The following PNPLA2 variants were observed in gnomAD, a reference collection of about 807,000 sequenced individuals.
PNPLA2 encodes patatin-like phospholipase domain-containing protein 2.
In PNPLA2, 28 loss-of-function variants were observed where a neutral mutation model predicts 39.7. The observed-to-expected ratio is 0.70, with a 90% CI of 0.52 to 0.97. The LOEUF (loss-of-function observed/expected upper bound fraction) is 0.97. PNPLA2 is among the 50% of genes least tolerant of loss of function. The probability of loss-of-function intolerance (pLI) is 0.00; values close to 1 mark genes in which losing one functional copy is unlikely to be tolerated. For missense variants in PNPLA2, 768 were observed against 698.2 expected, an observed-to-expected ratio of 1.10 and a Z score of -1.13; for synonymous variants, 392 against 321.1, an observed-to-expected ratio of 1.22 and a Z score of -2.36.
At chr11:819,499 T>G in intron 1 of PNPLA2, 75 bp from the exon 2 acceptor site, 2 of 1,227,908 alleles carry the variant, frequency 1.6e-6, no homozygotes, top group African/African-American at 1.6e-5. Context: ...GCGCCCCGAT[T>G]GGTCTTCGTG....
Position 824,813 on chromosome 11 carries a change from G to T in PNPLA2, c.1466G>T (p.Ser489Ile), listed in dbSNP as rs201573098. Residue 489 changes from serine to isoleucine, a missense_variant, in exon 10 of 10, where the codon AGC (serine) becomes ATC (isoleucine). Transcript: ENST00000336615. ...HQLAGPAPLL[S>I]TPAPEARPVI... ...CTGGCCGGGCCTGCCCCCTTGCTGA[G>T]CACCCCTGCTCCCGAGGCCCGGCCC... 329 of 1,534,502 alleles carry T rather than the reference G, an allele frequency of 2.1e-4. 2 individuals are homozygous for T. In the East Asian group the frequency reaches 6.4e-3, roughly 30 times the overall value.
intron 8 of PNPLA2, 57 bp downstream of exon 8, chr11:824,187 G>A: frequency 6.4e-7 from 1 of 1,559,674 alleles, no homozygotes; most frequent in Non-Finnish European, 8.7e-7. Context: ...GGGATCATCC[G>A]CGAGTGATGG....
chr11:820,521 C>T (rs1208663167), intron 2 of PNPLA2, among the ~76,000 whole-genome samples: 1 of 152,226 alleles, frequency 6.6e-6, no homozygotes, highest in African/African-American at 2.4e-5. Context: ...TGCTTCTGGG[C>T]TCTGGTGCCT....
intron 5 of PNPLA2, 139 bp downstream of exon 5, chr11:822,745 C>T: frequency 1.4e-6 from 1 of 729,262 alleles, no homozygotes; most frequent in South Asian, 1.5e-5. Flanking sequence ...AGCGCACAAC[C>T]TTTCTAGGGG....
At chr11:819,442 C>G (rs887726299) in intron 1 of PNPLA2, 132 bp from the exon 2 acceptor site, 44 of 1,163,646 alleles carry the variant, frequency 3.8e-5, no homozygotes, top group African/African-American at 3.4e-4. Context: ...GCGCGGGGGG[C>G]CGGGTCAAGG....
rs952977483 is a variant in PNPLA2, at chr11:824,320, G to T, written c.1059G>T (p.Leu353=). The change falls in exon 9 of 10, where the codon CTG becomes CTT. Residue 353 remains leucine, a synonymous_variant. Coordinates refer to ENST00000336615, the MANE Select transcript of PNPLA2 (RefSeq NM_020376.4). The part of the protein sequence containing the change: ...ESALSFTIRL[L]EWLPDVPEDI... ...CCGCTCGCCCTGTCCCCAGCTTGCT[G>T]GAGTGGCTGCCCGACGTTCCCGAGG... is the stretch of plus-strand genomic sequence containing the variant. 3.2e-6 allele frequency: 5 copies of T among 1,551,248 alleles called. No homozygotes were observed. Among genetic ancestry groups the T allele is most frequent in the Non-Finnish European group, 4.4e-6 (5 of 1,147,744 alleles).
intron 4 of PNPLA2, 165 bp downstream of exon 4, chr11:822,188 GC>G: frequency 2.6e-6 from 2 of 770,504 alleles, no homozygotes; most frequent in South Asian, 3.0e-5. Context: ...ACGCTTCCTG[GC>G]CCCCCATCCC....
In PNPLA2 at chr11:819,577, C is replaced by A; in HGVS notation, c.-142C>A. ...CGCCTCCGCGCCGCCCGCGTAGCTT[C>A]TTCGCCTCCGCCAGCGGGGACCCCG... On this transcript the variant is annotated 5_prime_UTR_variant, in exon 2 of 10. Transcript: ENST00000336615. The A allele has an allele frequency of 7.8e-7, 1 of 1,286,528 alleles. No homozygotes were observed. Among genetic ancestry groups the A allele is most frequent in the Non-Finnish European group, 9.9e-7 (1 of 1,011,252 alleles). The allele number at this position is 1,286,528 out of a possible 1,614,324, so 79.7% of individuals were successfully genotyped here. A position where few individuals can be genotyped will look rare whatever the true frequency, so the allele number is the denominator to read the frequency against.
chr11:819,690 G>C lies in PNPLA2; in HGVS notation c.-29G>C. 2.0e-6 allele frequency: 3 copies of C among 1,473,372 alleles called. No homozygotes were observed. The highest frequency in any genetic ancestry group is 1.8e-6 in the Non-Finnish European group (2 of 1,113,584). The allele number at this position is 1,473,372 out of a possible 1,614,324, so 91.3% of individuals were successfully genotyped here. A position where few individuals can be genotyped will look rare whatever the true frequency, so the allele number is the denominator to read the frequency against. On this transcript the variant is annotated 5_prime_UTR_variant, in exon 2 of 10. Transcript: ENST00000336615. The stretch of plus-strand genomic sequence containing the variant: ...GCTCACAGAGGCCTGGCCGCCCACG[G>C]AACCCGGGGCCCGGCGGCCGCCGCC...
At position 825,514 on chromosome 11, in the gene PNPLA2, G is replaced by A. The variant is rs1186219681; in HGVS notation, c.*652G>A. 6.6e-6 allele frequency: 1 copy of A among 152,604 alleles called. No homozygotes were observed. Among genetic ancestry groups the A allele is most frequent in the Non-Finnish European group, 1.5e-5 (1 of 68,386 alleles). The allele number at this position is 152,604 out of a possible 1,614,324, so 9.5% of individuals were successfully genotyped here. On this transcript the variant is annotated 3_prime_UTR_variant, in exon 10 of 10. Transcript: ENST00000336615. ...GACCCTTGGCCACAGCCTTCTGAGG[G>A]CCAATGGAAATATTTGGGACCAAGA...
In PNPLA2 at chr11:825,121, G is replaced by A; in HGVS notation, c.*259G>A. ...CCCCTTTACTCCTGAGAACTTTGCA[G>A]CTGCCCTTCCCTCCCCGTTTTTCAT... is the stretch of plus-strand genomic sequence containing the variant. On this transcript the variant is annotated 3_prime_UTR_variant, in exon 10 of 10. Coordinates refer to ENST00000336615, the MANE Select transcript of PNPLA2 (RefSeq NM_020376.4). The A allele has an allele frequency of 3.6e-6, 2 of 563,072 alleles. No individual in the cohort carries two copies. Among genetic ancestry groups the A allele is most frequent in the Non-Finnish European group, 6.3e-6 (2 of 318,938 alleles). The allele number at this position is 563,072 out of a possible 1,614,324, so 34.9% of individuals were successfully genotyped here.
chr11:821,897 G>A (rs778219517), intron 3 of PNPLA2, 37 bp downstream of exon 3: 1 of 1,609,940 alleles, frequency 6.2e-7, no homozygotes. Context: ...TGGCGGTGGG[G>A]GGGGCAGTGG....
chr11:821,423 G>A, intron 2 of PNPLA2: 1 of 613,356 alleles, frequency 1.6e-6, no homozygotes, highest in Non-Finnish European at 2.9e-6. Context: ...CAGGCAGAGG[G>A]CAGGTCCTGG....
rs749452055 is a variant in PNPLA2, at chr11:822,382, T to C, written c.487-15T>C. On this transcript the variant is annotated splice_polypyrimidine_tract_variant and intron_variant, in intron 4 of 9. Transcript: ENST00000336615. ...AGGCCCTCACATACGGTCCTGTCTG[T>C]GTGTCCCGTGGAAGCGCTACGTGGA... 5 of 1,610,754 alleles carry C rather than the reference T, an allele frequency of 3.1e-6. No homozygotes were observed. In the Admixed American group the frequency reaches 6.7e-5, roughly 21 times the overall value.
In PNPLA2 at chr11:824,547, C is replaced by T. The variant is rs1323765678; in HGVS notation, c.1200C>T (p.Arg400=). The T allele has an allele frequency of 6.4e-7, 1 of 1,556,044 alleles. No homozygotes were observed. The highest frequency in any genetic ancestry group is 1.2e-5 in the South Asian group (1 of 85,458). The change falls in exon 10 of 10, where the codon CGC becomes CGT. Residue 400 remains arginine (R), a synonymous_variant. Transcript: ENST00000336615. ...PSRLPEQVEL[R]RVQSLPSVPL... is the part of the protein sequence containing the mutation. ...GGCTGCCGGAGCAGGTGGAGCTGCG[C>T]CGCGTCCAGTCGCTGCCGTCCGTGC... is the stretch of plus-strand genomic sequence containing the variant.
At position 824,976 on chromosome 11, in the gene PNPLA2, CCA is replaced by C. The variant is rs1385246028; in HGVS notation, c.*116_*117del. On this transcript the variant is annotated 3_prime_UTR_variant, in exon 10 of 10. Transcript: ENST00000336615. The stretch of plus-strand genomic sequence containing the variant: ...TCTTTGCCGTGGGCCCCCTCGCCAG[CCA>C]CTCACCAGCTGCATGCACTGAGAGG... 3.6e-6 allele frequency: 3 copies of C among 841,538 alleles called. No individual in the cohort carries two copies. Among genetic ancestry groups the C allele is most frequent in the Middle Eastern group, 2.1e-4 (1 of 4,698 alleles). The allele number at this position is 841,538 out of a possible 1,614,324, so 52.1% of individuals were successfully genotyped here. A position where few individuals can be genotyped will look rare whatever the true frequency, so the allele number is the denominator to read the frequency against.
At chr11:819,996 C>T in intron 2 of PNPLA2, 91 bp downstream of exon 2, 5 of 1,024,832 alleles carry the variant, frequency 4.9e-6, no homozygotes, top group South Asian at 2.6e-5. Context: ...GGCCCCGCGG[C>T]GAGTCGGTGG....
chr11:820,000 T>G (rs1845614903), intron 2 of PNPLA2, 95 bp downstream of exon 2: 2 of 986,456 alleles, frequency 2.0e-6, no homozygotes, highest in Non-Finnish European at 2.7e-6. Flanking sequence ...CCGCGGCGAG[T>G]CGGTGGGTAC....
In PNPLA2 at chr11:825,242, T is replaced by A. The variant is rs1313119704; in HGVS notation, c.*380T>A. 5 of 324,380 alleles carry A rather than the reference T, an allele frequency of 1.5e-5. No individual in the cohort carries two copies. Among genetic ancestry groups the A allele is most frequent in the African/African-American group, 6.8e-5 (3 of 43,800 alleles). 20.1% of individuals were successfully genotyped at this position (324,380 alleles called of 1,614,324 possible). A position where few individuals can be genotyped will look rare whatever the true frequency, so the allele number is the denominator to read the frequency against. ...AGCCTCTGCCCACTTTGTGTGTATG[T>A]GACCGCCTGCTTACTTGCAGTGAGA... On this transcript the variant is annotated 3_prime_UTR_variant, in exon 10 of 10. Coordinates refer to ENST00000336615, the MANE Select transcript of PNPLA2 (RefSeq NM_020376.4).
Sources: allele counts gnomAD v4.1 joint callset (sites outside exome capture counted in the v4.1 genomes callset), GRCh38; gene constraint gnomAD v4.1.1; transcripts MANE v1.5; gene names NCBI Gene and HGNC (gene_info 2026-07-23, HGNC 2026-07-21).